The following DACH2 variants were observed in gnomAD, a reference collection of about 807,000 sequenced individuals.
The protein encoded by DACH2 is dachshund homolog 2.
In DACH2, 17 loss-of-function variants were observed where a neutral mutation model predicts 35.8. The observed-to-expected ratio is 0.48, with a 90% CI of 0.33 to 0.71. The LOEUF (loss-of-function observed/expected upper bound fraction) is 0.71. Among genes scored for constraint, DACH2 ranks in the 30% least tolerant of loss-of-function variants. The pLI is 0.02. For missense variants in DACH2, 469 were observed against 472.7 expected (o/e 0.99, Z 0.07); for synonymous variants, 195 against 177.3 (o/e 1.10, Z -0.79).
intron 4 of DACH2, among the ~76,000 whole-genome samples, chrX:86,672,204 C>A (rs1184195087): frequency 8.9e-6 from 1 of 111,968 alleles, no homozygotes; most frequent in Non-Finnish European, 1.9e-5. Flanking sequence ...CAATCTGAAA[C>A]TGGAACTTAT....
rs943059703 is a variant in DACH2, at chrX:86,148,471, G to T, written c.-150G>T. The T allele has an allele frequency of 3.1e-6, 2 of 641,824 alleles. No individual in the cohort carries two copies. Among genetic ancestry groups the T allele is most frequent in the East Asian group, 3.6e-5 (1 of 27,465 alleles). 52.9% of individuals were successfully genotyped at this position (641,824 alleles called of 1,213,427 possible). On this transcript the variant is annotated 5_prime_UTR_variant, in exon 1 of 12. Transcript: ENST00000373125. The stretch of plus-strand genomic sequence containing the variant: ...TGCTCACTGTTTGTTGAGCTTGAGC[G>T]TGAGCCGGCTGCTGAAGACTTGCGA...
intron 3 of DACH2, among the ~76,000 whole-genome samples, chrX:86,636,384 G>A (rs2040265841): frequency 9.3e-6 from 1 of 108,040 alleles, no homozygotes; most frequent in African/African-American, 3.4e-5. Flanking sequence ...GGAGGCAGAG[G>A]TTGCAGTGAG....
intron 1 of DACH2, among the ~76,000 whole-genome samples, chrX:86,246,049 C>T: frequency 9.0e-6 from 1 of 111,287 alleles, no homozygotes; most frequent in Middle Eastern, 4.6e-3. Context: ...ACAGAATACA[C>T]CAAGCCGAGG....
chrX:86,456,869 G>T (rs1432701547), intron 2 of DACH2, among the ~76,000 whole-genome samples: 1 of 110,067 alleles, frequency 9.1e-6, no homozygotes, highest in Non-Finnish European at 1.9e-5. Flanking sequence ...ATTCTATGTT[G>T]GTGTTTTTGT....
At chrX:86,535,340 G>A (rs1362787317) in intron 3 of DACH2, among the ~76,000 whole-genome samples, 1 of 111,499 alleles carries the variant, frequency 9.0e-6, no homozygotes, top group Non-Finnish European at 1.9e-5. Flanking sequence ...GAATATGTGA[G>A]ACCGGGTAAT....
chrX:86,707,753 A>AAT (rs1297041317), intron 5 of DACH2, among the ~76,000 whole-genome samples: 2 of 107,993 alleles, frequency 1.9e-5, no homozygotes, highest in African/African-American at 6.8e-5. Flanking sequence ...CGTCTCTACT[A>AAT]AAAGTACAAA....
chrX:86,769,007 T>G (rs1258273568), intron 7 of DACH2, among the ~76,000 whole-genome samples: 1 of 111,259 alleles, frequency 9.0e-6, no homozygotes, highest in Non-Finnish European at 1.9e-5. Flanking sequence ...GCAAGGTTGA[T>G]TCAACTATGC....
intron 1 of DACH2, among the ~76,000 whole-genome samples, chrX:86,310,430 C>T (rs1445463129): frequency 3.6e-5 from 4 of 111,178 alleles, no homozygotes; most frequent in Non-Finnish European, 5.7e-5. Flanking sequence ...ATCAGTTGAC[C>T]GAGGAAGAGA....
intron 2 of DACH2, among the ~76,000 whole-genome samples, chrX:86,488,705 C>T (rs1340408115): frequency 9.0e-6 from 1 of 111,274 alleles, no homozygotes. Context: ...ATTGAAGCAT[C>T]ACCTTGTGCC....
chrX:86,773,502 G>A (rs1207353522), intron 7 of DACH2, among the ~76,000 whole-genome samples: 1 of 111,854 alleles, frequency 8.9e-6, no homozygotes, highest in Non-Finnish European at 1.9e-5. Flanking sequence ...TATTTTATTA[G>A]TAAATAATTG....
At chrX:86,764,938 A>G (rs781527023) in intron 7 of DACH2, among the ~76,000 whole-genome samples, 1 of 111,723 alleles carries the variant, frequency 9.0e-6, no homozygotes. Context: ...TGGTAAGATT[A>G]TATCCCATTG....
intron 7 of DACH2, among the ~76,000 whole-genome samples, chrX:86,762,897 T>C (rs1239555659): frequency 8.9e-6 from 1 of 111,910 alleles, no homozygotes; most frequent in East Asian, 2.8e-4. Flanking sequence ...TATCAAATAG[T>C]AGGTCTTATT....
intron 6 of DACH2, among the ~76,000 whole-genome samples, chrX:86,721,204 C>A (rs1002919454): frequency 1.4e-4 from 16 of 112,317 alleles, no homozygotes; most frequent in Non-Finnish European, 2.4e-4. Flanking sequence ...CTTCTCATTA[C>A]GTATGCAAGT....
chrX:86,605,817 G>T (rs1485859347), intron 3 of DACH2, among the ~76,000 whole-genome samples: 1 of 108,925 alleles, frequency 9.2e-6, no homozygotes, highest in Admixed American at 9.9e-5. Context: ...TCTACTTCAA[G>T]TTCACTGTTT....
intron 1 of DACH2, among the ~76,000 whole-genome samples, chrX:86,358,731 A>T (rs202010824): frequency 1.6e-4 from 2 of 12,363 alleles, no homozygotes; most frequent in Non-Finnish European, 2.5e-4. Flanking sequence ...TTGGTAAAAG[A>T]AAAAAAAAAT....
At chrX:86,240,626 C>T (rs373422315) in intron 1 of DACH2, among the ~76,000 whole-genome samples, 1 of 109,305 alleles carries the variant, frequency 9.1e-6, no homozygotes, top group East Asian at 2.9e-4. Context: ...TGCTGCCATG[C>T]CTGGCTAATG....
chrX:86,660,340 C>T (rs1280358870), intron 4 of DACH2, among the ~76,000 whole-genome samples: 1 of 111,434 alleles, frequency 9.0e-6, no homozygotes, highest in Admixed American at 9.6e-5. Context: ...GGAAGCCATG[C>T]AGGGTGTTAT....
intron 4 of DACH2, among the ~76,000 whole-genome samples, chrX:86,683,580 C>T (rs1216085893): frequency 9.0e-6 from 1 of 111,727 alleles, no homozygotes; most frequent in African/African-American, 3.2e-5. Flanking sequence ...TAGAGCTTTA[C>T]CTTTGCAAAT....
chrX:86,740,349 T>C (rs1224973592), intron 7 of DACH2, among the ~76,000 whole-genome samples: 1 of 109,963 alleles, frequency 9.1e-6, no homozygotes, highest in Non-Finnish European at 1.9e-5. Flanking sequence ...TTATTTTATT[T>C]ATTTATTATT....
Sources: gnomAD v4.1 joint callset for allele counts (sites outside exome capture counted in the v4.1 genomes callset) on GRCh38, gnomAD v4.1.1 for gene constraint, MANE v1.5 for transcripts, NCBI Gene and HGNC (gene_info 2026-07-23, HGNC 2026-07-21) for gene names.